The following CELF4 variants were observed in gnomAD, a reference collection of about 807,000 sequenced individuals.
CELF4 encodes CUGBP Elav-like family member 4.
A neutral mutation model predicts 59.9 loss-of-function variants in CELF4; 18 were observed. The ratio of observed to expected loss-of-function variants is 0.30; its 90% confidence interval spans 0.21 to 0.45. The LOEUF is 0.45. CELF4 is among the 20% of genes least tolerant of loss of function. The pLI is 1.00. For missense variants in CELF4, 456 were observed against 689.0 expected (o/e 0.66, Z 3.79); for synonymous variants, 261 against 267.1 (o/e 0.98, Z 0.22).
At position 37,368,220 on chromosome 18, in the gene CELF4, A is replaced by G. The variant is rs113212345; in HGVS notation, c.370-46339T>C. Among the ~76,000 whole-genome samples the G allele has an allele frequency of 5.2e-4, 79 of 152,166 alleles. 1 individual carries two copies. Among genetic ancestry groups the G allele is most frequent in the African/African-American group, 1.9e-3 (78 of 41,488 alleles). On this transcript the variant is annotated intron_variant, in intron 2 of 12. Coordinates refer to ENST00000420428, the MANE Select transcript of CELF4 (RefSeq NM_020180.4). Reference sequence around the variant, plus strand: ...CAGCCTTCCCCTGCCCCCCAGCCCAACTTTGTGAGGCTTTGGTTTCCTCTG... The same window carrying G: ...CAGCCTTCCCCTGCCCCCCAGCCCAGCTTTGTGAGGCTTTGGTTTCCTCTG...
intron 3 of CELF4, among the ~76,000 whole-genome samples, chr18:37,316,509 T>G (rs1353782216): frequency 6.6e-6 from 1 of 152,038 alleles, no homozygotes; most frequent in African/African-American, 2.4e-5. Flanking sequence ...ATTCCAGCCC[T>G]CTCTCTGTCT....
chr18:37,249,683 C>T (rs142367845), intron 12 of CELF4, among the ~76,000 whole-genome samples: 7 of 152,248 alleles, frequency 4.6e-5, no homozygotes, highest in Non-Finnish European at 7.3e-5. Flanking sequence ...GACCCCTTCC[C>T]GACCACTCTC....
intron 3 of CELF4, among the ~76,000 whole-genome samples, chr18:37,311,585 C>A (rs1040471082): frequency 6.6e-6 from 1 of 151,706 alleles, no homozygotes; most frequent in Non-Finnish European, 1.5e-5. Context: ...GTCACGAGTT[C>A]GAGATCAGCC....
intron 3 of CELF4, among the ~76,000 whole-genome samples, chr18:37,318,224 C>G (rs1337570949): frequency 2.6e-5 from 4 of 151,968 alleles, no homozygotes; most frequent in Non-Finnish European, 5.9e-5. Context: ...TTCTGCTCCC[C>G]TCGCACCACT....
chr18:37,329,783 A>G (rs1025996730), intron 2 of CELF4, among the ~76,000 whole-genome samples: 1 of 152,254 alleles, frequency 6.6e-6, no homozygotes, highest in Admixed American at 6.5e-5. Context: ...AAGAATTTCA[A>G]GATGGAGACT....
At chr18:37,564,425 C>T (rs1188120132) in intron 1 of CELF4, among the ~76,000 whole-genome samples, 1 of 152,118 alleles carries the variant, frequency 6.6e-6, no homozygotes, top group African/African-American at 2.4e-5. Context: ...ATTCCCATGA[C>T]CACTTTCCTA....
At chr18:37,279,851 C>T (rs1428578517) in intron 3 of CELF4, among the ~76,000 whole-genome samples, 1 of 152,210 alleles carries the variant, frequency 6.6e-6, no homozygotes, top group Admixed American at 6.5e-5. Context: ...GAAGGAACCC[C>T]AGGATGCACA....
chr18:37,506,338 C>T (rs1382268434), intron 1 of CELF4, among the ~76,000 whole-genome samples: 1 of 152,102 alleles, frequency 6.6e-6, no homozygotes, highest in Non-Finnish European at 1.5e-5. Flanking sequence ...CCAAAAAATC[C>T]CGCAGTGTAG....
intron 3 of CELF4, among the ~76,000 whole-genome samples, chr18:37,277,525 G>A (rs1008738216): frequency 4.6e-5 from 7 of 152,144 alleles, no homozygotes; most frequent in Admixed American, 3.9e-4. Context: ...AGAGTTCAGC[G>A]CAGAAAGGGA....
At chr18:37,400,286 A>G (rs1296242119) in intron 2 of CELF4, among the ~76,000 whole-genome samples, 2 of 152,008 alleles carry the variant, frequency 1.3e-5, no homozygotes, top group Admixed American at 1.3e-4. Flanking sequence ...ACATGTGCCA[A>G]TTCCTTCTAA....
chr18:37,450,306 G>A (rs537604297), intron 2 of CELF4, among the ~76,000 whole-genome samples: 21 of 151,834 alleles, frequency 1.4e-4, no homozygotes, highest in African/African-American at 2.2e-4. Flanking sequence ...AAAAAAACGC[G>A]TTCTCTCTCG....
intron 2 of CELF4, among the ~76,000 whole-genome samples, chr18:37,366,822 G>C (rs184541513): frequency 3.9e-4 from 59 of 152,162 alleles, no homozygotes; most frequent in Middle Eastern, 3.4e-3. Context: ...ACTACATCCA[G>C]AGCCTCCCTG....
intron 1 of CELF4, among the ~76,000 whole-genome samples, chr18:37,562,790 T>C (rs1355142509): frequency 6.6e-6 from 1 of 152,196 alleles, no homozygotes; most frequent in Non-Finnish European, 1.5e-5. Flanking sequence ...AACGGTCTCA[T>C]TTATTCAGCT....
rs148263308 is a variant in CELF4 at position 37,397,672 on chromosome 18, C to T, written c.370-75791G>A. Reference sequence around the variant, plus strand: ...CCCAGGGTGGGCAAACCATGCCTGACGGATGACCAGCTCCTGGCTTATGGC... The same window carrying T: ...CCCAGGGTGGGCAAACCATGCCTGATGGATGACCAGCTCCTGGCTTATGGC... On this transcript the variant is annotated intron_variant, in intron 2 of 12. Transcript: ENST00000420428. Among the ~76,000 whole-genome samples the T allele has an allele frequency of 6.9e-3, 1,054 of 152,328 alleles. 18 individuals are homozygous for T. Among genetic ancestry groups the T allele is most frequent in the Admixed American group, 0.03 (456 of 15,306 alleles).
intron 2 of CELF4, among the ~76,000 whole-genome samples, chr18:37,458,781 T>A (rs1045069784): frequency 1.3e-5 from 2 of 152,228 alleles, no homozygotes; most frequent in African/African-American, 4.8e-5. Flanking sequence ...TTGCAGAGCC[T>A]GATACTGCTT....
intron 12 of CELF4, among the ~76,000 whole-genome samples, chr18:37,251,970 A>C (rs1186871627): frequency 6.6e-6 from 1 of 152,154 alleles, no homozygotes; most frequent in Non-Finnish European, 1.5e-5. Context: ...GGAGGCAGGA[A>C]AGACTGGTTT....
chr18:37,349,468 G>C (rs2098390591), intron 2 of CELF4, among the ~76,000 whole-genome samples: 1 of 152,190 alleles, frequency 6.6e-6, no homozygotes. Flanking sequence ...TGACACAATA[G>C]GCTTAAATTA....
At chr18:37,409,043 G>T (rs2099412614) in intron 2 of CELF4, among the ~76,000 whole-genome samples, 1 of 152,210 alleles carries the variant, frequency 6.6e-6, no homozygotes, top group South Asian at 2.1e-4. Flanking sequence ...CTCAGGGTGT[G>T]GGGGCAGGGG....
At chr18:37,267,717 G>A (rs889147821) in intron 8 of CELF4, among the ~76,000 whole-genome samples, 1 of 152,158 alleles carries the variant, frequency 6.6e-6, no homozygotes, top group African/African-American at 2.4e-5. Context: ...GTTTCCCTGA[G>A]TATCTCACTA....
Sources: allele counts gnomAD v4.1 joint callset (sites outside exome capture counted in the v4.1 genomes callset), GRCh38; gene constraint gnomAD v4.1.1; transcripts MANE v1.5; gene names NCBI Gene and HGNC (gene_info 2026-07-23, HGNC 2026-07-21).